SMOC2: variants seen among roughly 807,000 people sequenced by gnomAD.
The protein encoded by SMOC2 is SPARC-related modular calcium-binding protein 2.
A neutral mutation model predicts 61.4 loss-of-function variants in SMOC2; 39 were observed. The observed-to-expected ratio is 0.64, with a 90% confidence interval of 0.49 to 0.83. The LOEUF is 0.83. SMOC2 is among the 40% of genes least tolerant of loss of function. The pLI, the probability that SMOC2 is intolerant of heterozygous loss-of-function variation, is 0.00. For missense variants in SMOC2, 556 were observed against 592.9 expected (o/e 0.94, Z 0.65); for synonymous variants, 247 against 239.9 (o/e 1.03, Z -0.27).
intron 8 of SMOC2, among the ~76,000 whole-genome samples, chr6:168,600,434 CAAAA>C (rs965875287): frequency 0.01 from 262 of 25,370 alleles, 12 homozygotes; most frequent in Non-Finnish European, 0.022. Flanking sequence ...AAAAAAAAAA[CAAAA>C]AAAAAAACAG....
At chr6:168,468,627 C>T (rs1266436973) in intron 1 of SMOC2, among the ~76,000 whole-genome samples, 2 of 152,204 alleles carry the variant, frequency 1.3e-5, no homozygotes, top group South Asian at 2.1e-4. Context: ...CTCCACCTCC[C>T]GGGTTCAAGC....
intron 7 of SMOC2, among the ~76,000 whole-genome samples, chr6:168,578,652 T>C (rs1303553624): frequency 6.6e-6 from 1 of 152,152 alleles, no homozygotes; most frequent in Non-Finnish European, 1.5e-5. Context: ...GAGAGAAGAA[T>C]TCTACACACG....
chr6:168,532,671 T>G (rs1414078674), intron 4 of SMOC2, among the ~76,000 whole-genome samples: 1 of 152,362 alleles, frequency 6.6e-6, no homozygotes, highest in South Asian at 2.1e-4. Flanking sequence ...TGCAAGATTT[T>G]TTAATATTAC....
intron 1 of SMOC2, among the ~76,000 whole-genome samples, chr6:168,497,220 G>A (rs747208462): frequency 2.0e-5 from 3 of 152,204 alleles, no homozygotes; most frequent in Non-Finnish European, 4.4e-5. Context: ...AGAGGAGCCC[G>A]GTGGTCACTG....
intron 7 of SMOC2, among the ~76,000 whole-genome samples, chr6:168,558,255 T>C (rs1028094645): frequency 3.4e-4 from 52 of 152,222 alleles, no homozygotes; most frequent in African/African-American, 1.2e-3. Context: ...AGGGATCATG[T>C]CAGGCATGGG....
At chr6:168,509,544 CAAATTAGTCGATGAATGTGG>C (rs1299446135) in intron 1 of SMOC2, among the ~76,000 whole-genome samples, 2 of 62,226 alleles carry the variant, frequency 3.2e-5, no homozygotes, top group Admixed American at 1.2e-4. Flanking sequence ...AATGTGGAGG[CAAATTAGTCGATGAATGTGG>C]AGGCAAATTA....
chr6:168,568,127 G>A (rs2115136395), intron 7 of SMOC2, among the ~76,000 whole-genome samples: 1 of 151,494 alleles, frequency 6.6e-6, no homozygotes, highest in Middle Eastern at 3.4e-3. Flanking sequence ...GCAGCTACAG[G>A]CGAAGACCGG....
At chr6:168,477,409 G>A (rs1260340029) in intron 1 of SMOC2, among the ~76,000 whole-genome samples, 5 of 152,176 alleles carry the variant, frequency 3.3e-5, no homozygotes, top group African/African-American at 1.2e-4. Flanking sequence ...ATGGTCCTGA[G>A]TCATTACATG....
At chr6:168,609,637 T>C (rs766957375) in intron 9 of SMOC2, among the ~76,000 whole-genome samples, 3 of 152,154 alleles carry the variant, frequency 2.0e-5, no homozygotes, top group Non-Finnish European at 4.4e-5. Flanking sequence ...TGAAGTCCGA[T>C]TTTAATATTG....
chr6:168,573,814 C>G (rs1784730826), intron 7 of SMOC2, among the ~76,000 whole-genome samples: 1 of 152,190 alleles, frequency 6.6e-6, no homozygotes, highest in Non-Finnish European at 1.5e-5. Flanking sequence ...GTTTCATTGT[C>G]CATCCCACTA....
chr6:168,625,702 T>G (rs546438397), intron 9 of SMOC2, among the ~76,000 whole-genome samples: 53 of 152,324 alleles, frequency 3.5e-4, no homozygotes, highest in African/African-American at 1.3e-3. Flanking sequence ...GCCAAGTGCC[T>G]GTGTCCGTGT....
chr6:168,517,201 G>A (rs1288317786), intron 2 of SMOC2, among the ~76,000 whole-genome samples: 2 of 150,742 alleles, frequency 1.3e-5, no homozygotes, highest in Non-Finnish European at 2.9e-5. Context: ...GCCTCGCTCT[G>A]AGGCCTGTCT....
At chr6:168,589,267 G>C (rs1050584670) in intron 7 of SMOC2, among the ~76,000 whole-genome samples, 2 of 152,186 alleles carry the variant, frequency 1.3e-5, no homozygotes, top group Non-Finnish European at 2.9e-5. Context: ...TAAGGTGTTG[G>C]CTGACACTAA....
chr6:168,455,993 C>T (rs1781575179), intron 1 of SMOC2, among the ~76,000 whole-genome samples: 1 of 152,238 alleles, frequency 6.6e-6, no homozygotes, highest in South Asian at 2.1e-4. Context: ...GGCACTCAGG[C>T]AGGGCGGAGA....
chr6:168,507,728 A>G (rs2077270), intron 1 of SMOC2, among the ~76,000 whole-genome samples: 61,902 of 152,206 alleles, frequency 0.41, 13,016 homozygotes, highest in East Asian at 0.73. Flanking sequence ...GAAAGCATAC[A>G]TATTTGCAAA....
intron 1 of SMOC2, among the ~76,000 whole-genome samples, chr6:168,444,144 C>T (rs898992838): frequency 2.0e-5 from 3 of 152,220 alleles, no homozygotes; most frequent in Non-Finnish European, 4.4e-5. Flanking sequence ...TCTCAGAGCA[C>T]ACCACTTGGC....
intron 1 of SMOC2, among the ~76,000 whole-genome samples, chr6:168,496,591 G>A (rs1003761628): frequency 4.6e-5 from 7 of 152,184 alleles, no homozygotes; most frequent in Non-Finnish European, 8.8e-5. Flanking sequence ...GTTCTGTCCC[G>A]AGAGGTCCTT....
intron 7 of SMOC2, among the ~76,000 whole-genome samples, chr6:168,557,631 G>T (rs1381189380): frequency 6.6e-6 from 1 of 152,136 alleles, no homozygotes. Context: ...GAACTAATGA[G>T]GTCTGATGTT....
chr6:168,456,889 G>A (rs1468389025), intron 1 of SMOC2, among the ~76,000 whole-genome samples: 1 of 152,212 alleles, frequency 6.6e-6, no homozygotes, highest in African/African-American at 2.4e-5. Context: ...CCACCGAGGT[G>A]AATGAGTTCA....
Sources: allele counts gnomAD v4.1 joint callset (sites outside exome capture counted in the v4.1 genomes callset), GRCh38; gene constraint gnomAD v4.1.1; transcripts MANE v1.5; gene names NCBI Gene and HGNC (gene_info 2026-07-23, HGNC 2026-07-21).